The following RANBP2 variants were observed in gnomAD, a reference collection of about 807,000 sequenced individuals.
RANBP2 encodes the protein RAN binding protein 2, also known as E3 SUMO-protein ligase RanBP2.
A neutral mutation model predicts 303.6 loss-of-function variants in RANBP2; 57 were observed. The ratio of observed to expected loss-of-function variants is 0.19; its 90% CI spans 0.15 to 0.23. The LOEUF is 0.23. RANBP2 is among the 10% of genes least tolerant of loss of function. The pLI, the probability that RANBP2 is intolerant of heterozygous loss-of-function variation, is 1.00. For synonymous variants in RANBP2, 1,167 were observed against 1,301.5 expected, an observed-to-expected ratio of 0.90 and a Z score of 2.23; for missense variants, 3,138 against 3,780.8, an observed-to-expected ratio of 0.83 and a Z score of 4.46.
the RANBP2 span, among the ~76,000 whole-genome samples, chr2:109,525,696 A>T: frequency 6.6e-6 from 1 of 152,160 alleles, no homozygotes; most frequent in East Asian, 1.9e-4. Flanking sequence ...TTGTTGTAAG[A>T]TGCCAGAGAG....
chr2:108,730,588 T>C (rs1695088424), intron 2 of RANBP2, among the ~76,000 whole-genome samples, 186 bp from the exon 3 acceptor site: 1 of 152,156 alleles, frequency 6.6e-6, no homozygotes, highest in Admixed American at 6.6e-5. Flanking sequence ...GTCAACTCTA[T>C]GTACGTGTTT....
At chr2:109,427,550 C>T in the RANBP2 span, among the ~76,000 whole-genome samples, 1 of 152,270 alleles carries the variant, frequency 6.6e-6, no homozygotes, top group Admixed American at 6.5e-5. Context: ...TAACAAGTTC[C>T]AGGTGAGGCC....
At chr2:109,210,563 A>G in the RANBP2 span, among the ~76,000 whole-genome samples, 1 of 152,184 alleles carries the variant, frequency 6.6e-6, no homozygotes, top group African/African-American at 2.4e-5. Context: ...GCTCAGGGCA[A>G]ATGGCCTAAG....
the RANBP2 span, among the ~76,000 whole-genome samples, chr2:109,275,644 G>A: frequency 1.3e-5 from 2 of 152,198 alleles, no homozygotes; most frequent in African/African-American, 4.8e-5. Flanking sequence ...GCACTTCCAA[G>A]TTCAAGGATT....
At chr2:109,498,530 G>T in the RANBP2 span, among the ~76,000 whole-genome samples, 134 of 152,324 alleles carry the variant, frequency 8.8e-4, no homozygotes, top group Middle Eastern at 6.8e-3. Flanking sequence ...GTGAACACGT[G>T]GGGTGGGGAA....
At chr2:108,926,919 G>A in the RANBP2 span, among the ~76,000 whole-genome samples, 77 of 152,312 alleles carry the variant, frequency 5.1e-4, no homozygotes, top group African/African-American at 1.8e-3. Flanking sequence ...ATCCTCCTCT[G>A]TGACACAGCG....
the RANBP2 span, among the ~76,000 whole-genome samples, chr2:109,171,886 C>T: frequency 0.82 from 124,886 of 152,296 alleles, 51,335 homozygotes; most frequent in East Asian, 0.89. Flanking sequence ...TTTGAAACTC[C>T]CATTCTGTGT....
the RANBP2 span, among the ~76,000 whole-genome samples, chr2:109,011,473 G>C: frequency 6.6e-6 from 1 of 152,128 alleles, no homozygotes; most frequent in Non-Finnish European, 1.5e-5. Context: ...TTCTCCATAA[G>C]CTAATAGGGT....
At chr2:109,045,859 T>C in the RANBP2 span, among the ~76,000 whole-genome samples, 9 of 152,156 alleles carry the variant, frequency 5.9e-5, no homozygotes, top group Middle Eastern at 3.2e-3. Context: ...CCATGTGCTG[T>C]ATCCGTCTCC....
chr2:108,773,868 C>T (rs920178359), intron 23 of RANBP2, among the ~76,000 whole-genome samples: 2 of 152,114 alleles, frequency 1.3e-5, no homozygotes, highest in Admixed American at 6.5e-5. Flanking sequence ...AGGATGGTCT[C>T]AATCTCTTGA....
At chr2:108,981,335 A>G in the RANBP2 span, among the ~76,000 whole-genome samples, 1 of 152,132 alleles carries the variant, frequency 6.6e-6, no homozygotes, top group African/African-American at 2.4e-5. Context: ...GTCCAACCCC[A>G]CCAGGACCAG....
chr2:109,125,654 G>A, the RANBP2 span, among the ~76,000 whole-genome samples: 1 of 152,240 alleles, frequency 6.6e-6, no homozygotes, highest in South Asian at 2.1e-4. Context: ...ATAGTACATA[G>A]ATGACTCATG....
At chr2:109,392,568 G>A in the RANBP2 span, among the ~76,000 whole-genome samples, 5 of 152,092 alleles carry the variant, frequency 3.3e-5, no homozygotes, top group Non-Finnish European at 7.4e-5. Flanking sequence ...GAGTGCAGTG[G>A]CGTGATCTTG....
At chr2:108,788,956 A>G (rs552374313), downstream of RANBP2, 1 of 1,614,022 alleles carries the variant, frequency 6.2e-7, no homozygotes, top group South Asian at 1.1e-5. Flanking sequence ...CAAGCACGTA[A>G]ATGTGAATTG....
chr2:108,747,589 T>C (rs1381485047), intron 8 of RANBP2, among the ~76,000 whole-genome samples: 1 of 152,222 alleles, frequency 6.6e-6, no homozygotes, highest in Non-Finnish European at 1.5e-5. Context: ...TTTCCTTTTC[T>C]CTTTTCCTTC....
chr2:109,566,207 G>A, the RANBP2 span, among the ~76,000 whole-genome samples: 3 of 151,910 alleles, frequency 2.0e-5, no homozygotes, highest in Non-Finnish European at 2.9e-5. Context: ...TGCAGCCTCC[G>A]CCTCCTGGGT....
chr2:109,216,136 C>T, the RANBP2 span, among the ~76,000 whole-genome samples: 1 of 152,176 alleles, frequency 6.6e-6, no homozygotes, highest in African/African-American at 2.4e-5. Context: ...GTCTGGTTCC[C>T]AGCTCAGCAT....
the RANBP2 span, chr2:109,371,705 A>G: frequency 2.5e-6 from 4 of 1,605,244 alleles, no homozygotes; most frequent in Non-Finnish European, 3.4e-6. Context: ...GCCCTCCCAC[A>G]CTTGGCTCCT....
chr2:109,278,236 G>A, the RANBP2 span, among the ~76,000 whole-genome samples: 1 of 152,088 alleles, frequency 6.6e-6, no homozygotes, highest in East Asian at 1.9e-4. Context: ...ACTCCTTTGT[G>A]GAGGATGTTT....
Sources: gnomAD v4.1 joint callset for allele counts (sites outside exome capture counted in the v4.1 genomes callset) on GRCh38, gnomAD v4.1.1 for gene constraint, MANE v1.5 for transcripts, NCBI Gene and HGNC (gene_info 2026-07-23, HGNC 2026-07-21) for gene names.